The following ATRNL1 variants were observed in gnomAD, a reference collection of about 807,000 sequenced individuals.
ATRNL1 encodes the protein attractin-like protein 1.
ATRNL1 carries 95 observed loss-of-function variants against 182.7 expected under a neutral mutation model. The ratio of observed to expected loss-of-function variants is 0.52; its 90% CI spans 0.44 to 0.62. The LOEUF (loss-of-function observed/expected upper bound fraction) is 0.62, where lower values mean the gene tolerates loss of function less well. ATRNL1 is among the 20% of genes least tolerant of loss of function. The pLI is 0.00. For synonymous variants in ATRNL1, 576 were observed against 568.3 expected (o/e 1.01, Z -0.19); for missense variants, 1,471 against 1,679.5 (o/e 0.88, Z 2.17).
intron 26 of ATRNL1, among the ~76,000 whole-genome samples, chr10:115,671,923 A>G (rs1945708469): frequency 6.6e-6 from 1 of 152,118 alleles, no homozygotes; most frequent in Admixed American, 6.6e-5. Context: ...TGAGAGAAAC[A>G]AGATGTCCCA....
intron 19 of ATRNL1, among the ~76,000 whole-genome samples, chr10:115,347,222 G>T (rs569977112): frequency 6.6e-6 from 1 of 152,146 alleles, no homozygotes; most frequent in African/African-American, 2.4e-5. Context: ...ATAGATGCCT[G>T]TTGTATTCAC....
At chr10:115,799,688 T>A (rs545086504) in intron 27 of ATRNL1, among the ~76,000 whole-genome samples, 1 of 152,268 alleles carries the variant, frequency 6.6e-6, no homozygotes, top group African/African-American at 2.4e-5. Context: ...GACTCAGAAC[T>A]TCCAGATGTC....
At chr10:115,306,148 G>T (rs1853716986) in intron 17 of ATRNL1, among the ~76,000 whole-genome samples, 1 of 150,958 alleles carries the variant, frequency 6.6e-6, no homozygotes, top group African/African-American at 2.4e-5. Flanking sequence ...AATTTTTTTT[G>T]GTGGTATAAC....
intron 26 of ATRNL1, among the ~76,000 whole-genome samples, chr10:115,700,123 A>G (rs1210648259): frequency 6.6e-6 from 1 of 152,114 alleles, no homozygotes; most frequent in African/African-American, 2.4e-5. Context: ...TGTCTTTACC[A>G]TTGTGAATTG....
chr10:115,873,551 ATATAGG>A (rs1951632780), intron 28 of ATRNL1, among the ~76,000 whole-genome samples: 1 of 152,224 alleles, frequency 6.6e-6, no homozygotes, highest in Non-Finnish European at 1.5e-5. Flanking sequence ...ACCTTTTAAC[ATATAGG>A]TATATGTAGA....
intron 26 of ATRNL1, among the ~76,000 whole-genome samples, chr10:115,642,987 T>G (rs1289771471): frequency 1.3e-5 from 2 of 152,096 alleles, no homozygotes; most frequent in Non-Finnish European, 2.9e-5. Flanking sequence ...TGGCAGCTAG[T>G]GGATAGAGGC....
intron 27 of ATRNL1, among the ~76,000 whole-genome samples, chr10:115,764,224 G>A (rs889240723): frequency 2.2e-4 from 34 of 152,040 alleles, no homozygotes; most frequent in African/African-American, 7.0e-4. Context: ...TATACCTCCT[G>A]CCTCTGCATG....
intron 9 of ATRNL1, among the ~76,000 whole-genome samples, 186 bp downstream of exon 9, chr10:115,216,066 GTTC>G (rs1206790663): frequency 5.5e-4 from 83 of 152,212 alleles, no homozygotes; most frequent in African/African-American, 1.7e-3. Flanking sequence ...TCAGGGATTT[GTTC>G]TTCTTTGCAC....
Position 115,137,512 on chromosome 10 carries a change from A to G in ATRNL1, c.829+7977A>G, listed in dbSNP as rs138008143. On this transcript the variant is annotated intron_variant, in intron 5 of 28. Coordinates refer to ENST00000355044, the MANE Select transcript of ATRNL1 (RefSeq NM_207303.4). ...AGAGATTTAATGGACTTACAATTCC[A>G]CATGGCTGGGGGGGCCTCACAATCA... 7.0e-4 allele frequency among the ~76,000 whole-genome samples: 107 copies of G among 152,320 alleles called. No individual in the cohort carries two copies. The Middle Eastern group carries it at 0.024, about 34-fold the overall frequency.
chr10:115,791,378 C>A (rs115077071), intron 27 of ATRNL1, among the ~76,000 whole-genome samples: 6 of 152,126 alleles, frequency 3.9e-5, no homozygotes, highest in African/African-American at 1.4e-4. Flanking sequence ...TACATATGCA[C>A]AGTTTAGAAC....
chr10:115,891,381 A>G (rs1952076015), intron 28 of ATRNL1, among the ~76,000 whole-genome samples: 1 of 152,222 alleles, frequency 6.6e-6, no homozygotes. Flanking sequence ...TCCAAAAACC[A>G]GGCTTACTAG....
At chr10:115,094,470 G>A (rs1554862647) in intron 1 of ATRNL1, among the ~76,000 whole-genome samples, 1 of 152,212 alleles carries the variant, frequency 6.6e-6, no homozygotes, top group African/African-American at 2.4e-5. Flanking sequence ...GTTCAGTTAT[G>A]ATCTATGAGT....
chr10:115,840,986 T>C (rs527708133), intron 27 of ATRNL1, among the ~76,000 whole-genome samples: 1 of 152,106 alleles, frequency 6.6e-6, no homozygotes, highest in South Asian at 2.1e-4. Flanking sequence ...AGTATAGTGG[T>C]TAGGTTGCTT....
intron 5 of ATRNL1, among the ~76,000 whole-genome samples, chr10:115,137,618 A>G (rs1219197644): frequency 1.3e-5 from 2 of 152,168 alleles, no homozygotes; most frequent in Non-Finnish European, 2.9e-5. Context: ...CCTTTTTAAA[A>G]CCATCAGATC....
intron 8 of ATRNL1, among the ~76,000 whole-genome samples, chr10:115,207,599 G>T (rs908806332): frequency 4.6e-5 from 7 of 151,446 alleles, no homozygotes; most frequent in Non-Finnish European, 1.0e-4. Flanking sequence ...AAAAAAATTT[G>T]CTGAGTGTAG....
intron 5 of ATRNL1, among the ~76,000 whole-genome samples, chr10:115,149,306 T>C (rs1314341439): frequency 6.6e-6 from 1 of 152,196 alleles, no homozygotes; most frequent in African/African-American, 2.4e-5. Context: ...TCCAGCTTGC[T>C]TATCTATGCT....
intron 27 of ATRNL1, among the ~76,000 whole-genome samples, chr10:115,793,411 T>C (rs143313302): frequency 9.2e-5 from 14 of 152,220 alleles, no homozygotes; most frequent in Admixed American, 9.2e-4. Flanking sequence ...TTATTATCTG[T>C]GTTAAAGCAG....
chr10:115,592,789 C>G (rs1206174827), intron 26 of ATRNL1, among the ~76,000 whole-genome samples: 1 of 152,006 alleles, frequency 6.6e-6, no homozygotes, highest in African/African-American at 2.4e-5. Flanking sequence ...AGAGCTTCCT[C>G]AAAACATAAT....
At position 115,215,732 on chromosome 10, in the gene ATRNL1, G is replaced by A; in HGVS notation, c.1384G>A (p.Ala462Thr). 6.2e-7 allele frequency: 1 copy of A among 1,600,702 alleles called. No individual in the cohort carries two copies. Among genetic ancestry groups the A allele is most frequent in the Non-Finnish European group, 8.5e-7 (1 of 1,175,598 alleles). ...TTGGCTTGTTCCAGAAACTAAAGGAGCTATTGTACAAGGTGGATATGGCCA... is the reference window on the plus strand; with the variant it reads ...TTGGCTTGTTCCAGAAACTAAAGGAACTATTGTACAAGGTGGATATGGCCA... The part of the protein sequence containing the change: ...NTWLVPETKG[A>T]IVQGGYGHTS... The change falls in exon 9 of 29, where the codon GCT becomes ACT. Residue 462 changes from alanine (A) to threonine (T), a missense_variant. Ala to Thr is a moderately conservative substitution (Grantham distance 58). This residue lies in a region of ATRNL1 where 1,031 missense variants were observed against 1,156.0 expected (regional missense o/e 0.89). Coordinates refer to ENST00000355044, the MANE Select transcript of ATRNL1 (RefSeq NM_207303.4).
Sources: gnomAD v4.1 joint callset for allele counts (sites outside exome capture counted in the v4.1 genomes callset) on GRCh38, gnomAD v4.1.1 for gene constraint, gnomAD v4.1.1 regional missense constraint, MANE v1.5 for transcripts, NCBI Gene and HGNC (gene_info 2026-07-23, HGNC 2026-07-21) for gene names.